Variants in GRAMD1C observed in about 807,000 individuals in gnomAD.
GRAMD1C encodes protein Aster-C.
Under a neutral mutation model 97.8 loss-of-function variants are expected in GRAMD1C, and 89 were observed. That is an observed-to-expected ratio of 0.91 (90% CI 0.77 to 1.09). GRAMD1C has a LOEUF of 1.09. GRAMD1C is among the 50% of genes least tolerant of loss of function. The pLI, the probability that GRAMD1C is intolerant of heterozygous loss-of-function variation, is 0.00. For synonymous variants in GRAMD1C, 256 were observed against 267.0 expected, an observed-to-expected ratio of 0.96 and a Z score of 0.40; for missense variants, 740 against 766.4, an observed-to-expected ratio of 0.97 and a Z score of 0.41.
At chr3:113,923,210 T>C (rs891742492) in intron 10 of GRAMD1C, among the ~76,000 whole-genome samples, 3 of 152,176 alleles carry the variant, frequency 2.0e-5, no homozygotes, top group African/African-American at 7.2e-5. Flanking sequence ...AAAAACAATA[T>C]CTTCTGCAAA....
At chr3:113,883,277 C>G (rs552816149) in intron 6 of GRAMD1C, among the ~76,000 whole-genome samples, 1 of 152,274 alleles carries the variant, frequency 6.6e-6, no homozygotes, top group South Asian at 2.1e-4. Context: ...GTAATCTTAG[C>G]ACTTTGGGAG....
intron 2 of GRAMD1C, among the ~76,000 whole-genome samples, chr3:113,861,747 A>T (rs1383140739): frequency 6.6e-6 from 1 of 152,190 alleles, no homozygotes; most frequent in East Asian, 1.9e-4. Flanking sequence ...ACATGAAAAC[A>T]TGTCCAACAT....
chr3:113,938,347 A>T, intron 15 of GRAMD1C: 1 of 407,192 alleles, frequency 2.5e-6, no homozygotes, highest in Non-Finnish European at 4.3e-6. Flanking sequence ...AATTTGAGGA[A>T]ATACAAAGTA....
intron 11 of GRAMD1C, among the ~76,000 whole-genome samples, chr3:113,932,924 C>G (rs550775096): frequency 9.9e-5 from 15 of 151,242 alleles, no homozygotes; most frequent in African/African-American, 3.6e-4. Context: ...GCTGTGTCTC[C>G]CAGGCTGGAG....
At chr3:113,849,347 G>T (rs9757643) in intron 2 of GRAMD1C, among the ~76,000 whole-genome samples, 1 of 150,840 alleles carries the variant, frequency 6.6e-6, no homozygotes, top group Admixed American at 6.6e-5. Flanking sequence ...CGCAGAGGGG[G>T]ATTTGGCAGG....
At chr3:113,924,400 G>A (rs1278526000) in intron 10 of GRAMD1C, among the ~76,000 whole-genome samples, 3 of 152,108 alleles carry the variant, frequency 2.0e-5, no homozygotes, top group Non-Finnish European at 2.9e-5. Flanking sequence ...ACTGTTTCAT[G>A]TGGGTGTTTA....
chr3:113,867,588 G>A (rs547765504), intron 2 of GRAMD1C, among the ~76,000 whole-genome samples: 12 of 152,314 alleles, frequency 7.9e-5, no homozygotes, highest in South Asian at 4.1e-4. Context: ...GTGCCACTAC[G>A]CCAGGCTCGG....
intron 9 of GRAMD1C, among the ~76,000 whole-genome samples, chr3:113,914,448 A>G (rs905873823): frequency 4.6e-5 from 7 of 152,200 alleles, no homozygotes; most frequent in Admixed American, 1.3e-4. Context: ...TTTCTGATCC[A>G]TAGACTATTG....
At chr3:113,867,029 C>T (rs1934611505) in intron 2 of GRAMD1C, among the ~76,000 whole-genome samples, 1 of 152,126 alleles carries the variant, frequency 6.6e-6, no homozygotes, top group African/African-American at 2.4e-5. Flanking sequence ...TGGGGTTTCA[C>T]CATCTTGGCC....
At chr3:113,943,472 CT>C (rs1464647067) in intron 17 of GRAMD1C, among the ~76,000 whole-genome samples, 1 of 152,230 alleles carries the variant, frequency 6.6e-6, no homozygotes, top group Non-Finnish European at 1.5e-5. Context: ...CTCACTCCCC[CT>C]GACCCCTGGC....
intron 1 of GRAMD1C, among the ~76,000 whole-genome samples, chr3:113,831,432 TTA>T (rs903723836): frequency 9.6e-4 from 8 of 8,296 alleles, no homozygotes; most frequent in Non-Finnish European, 5.6e-3. Context: ...TTACTTTTTT[TTA>T]ATGTGACAAA....
chr3:113,921,929 A>T lies in GRAMD1C; in HGVS notation c.1090+6091A>T, dbSNP rs914212840. On this transcript the variant is annotated intron_variant, in intron 10 of 17. Transcript: ENST00000358160. The stretch of plus-strand genomic sequence containing the variant: ...TGTAGGTTGTCTGTTTACTCTGTTG[A>T]TAGTTTCTTTTGCTGTGCAGATACT... 4.6e-5 allele frequency among the ~76,000 whole-genome samples: 7 copies of T among 151,960 alleles called. No homozygotes were observed. In the South Asian group the frequency reaches 1.5e-3, roughly 32 times the overall value.
intron 2 of GRAMD1C, among the ~76,000 whole-genome samples, chr3:113,853,358 G>A (rs1321595842): frequency 6.6e-6 from 1 of 152,174 alleles, no homozygotes; most frequent in Non-Finnish European, 1.5e-5. Flanking sequence ...AGATGTAAAG[G>A]AAATAGTAGA....
intron 1 of GRAMD1C, among the ~76,000 whole-genome samples, chr3:113,839,286 T>C (rs1202762955): frequency 6.6e-6 from 1 of 152,170 alleles, no homozygotes; most frequent in Non-Finnish European, 1.5e-5. Flanking sequence ...CTTGCCCCCT[T>C]CCTTTCATTC....
chr3:113,837,717 T>A (rs1026450679), upstream of GRAMD1C, among the ~76,000 whole-genome samples: 12 of 125,572 alleles, frequency 9.6e-5, no homozygotes, highest in African/African-American at 3.7e-4. Context: ...CGAAACCCTG[T>A]CTCAAAAAAC....
chr3:113,943,498 T>C (rs1421839102), intron 17 of GRAMD1C, among the ~76,000 whole-genome samples: 1 of 152,216 alleles, frequency 6.6e-6, no homozygotes, highest in Non-Finnish European at 1.5e-5. Context: ...ACTAATCTAA[T>C]TTCCATTACT....
At chr3:113,889,124 G>A (rs537714237) in intron 6 of GRAMD1C, among the ~76,000 whole-genome samples, 6 of 152,186 alleles carry the variant, frequency 3.9e-5, no homozygotes, top group Admixed American at 1.3e-4. Context: ...CACTTGAACC[G>A]GGTAGGCAGA....
chr3:113,941,406 CTCCTGT>C (rs1305202870), intron 17 of GRAMD1C, among the ~76,000 whole-genome samples: 4 of 152,152 alleles, frequency 2.6e-5, no homozygotes, highest in Non-Finnish European at 4.4e-5. Context: ...CCTTCTACAA[CTCCTGT>C]TATTCAGATG....
chr3:113,850,963 C>T (rs977688362), intron 2 of GRAMD1C, among the ~76,000 whole-genome samples: 20 of 151,808 alleles, frequency 1.3e-4, no homozygotes, highest in Middle Eastern at 3.4e-3. Flanking sequence ...CCACCACGCC[C>T]GGCTAATTTT....
Sources: allele counts gnomAD v4.1 joint callset (sites outside exome capture counted in the v4.1 genomes callset), GRCh38; gene constraint gnomAD v4.1.1; transcripts MANE v1.5; gene names NCBI Gene and HGNC (gene_info 2026-07-23, HGNC 2026-07-21).